DLC1: variants seen among roughly 807,000 people sequenced by gnomAD.
The protein encoded by DLC1 is rho GTPase-activating protein 7.
Under a neutral mutation model 140.3 loss-of-function variants are expected in DLC1, and 54 were observed. The ratio of observed to expected loss-of-function variants is 0.38; its 90% CI spans 0.31 to 0.48. The LOEUF (loss-of-function observed/expected upper bound fraction) is 0.48, where lower values mean the gene tolerates loss of function less well. DLC1 is among the 20% of genes least tolerant of loss of function. The pLI, the probability that DLC1 is intolerant of heterozygous loss-of-function variation, is 0.96. For missense variants in DLC1, 2,536 were observed against 1,907.0 expected (o/e 1.33, Z -6.14); for synonymous variants, 986 against 728.1 (o/e 1.35, Z -5.70).
chr8:13,546,189 C>A (rs1453107107), intron 1 of DLC1, among the ~76,000 whole-genome samples: 1 of 152,038 alleles, frequency 6.6e-6, no homozygotes, highest in East Asian at 1.9e-4. Flanking sequence ...GGTCATTAAT[C>A]TTTGTTTCAG....
At chr8:13,304,723 T>G in intron 5 of DLC1, 1 of 962,090 alleles carries the variant, frequency 1.0e-6, no homozygotes, top group Non-Finnish European at 1.2e-6. Flanking sequence ...TTTTTCATAT[T>G]TTCATTTCTC....
chr8:13,396,957 T>G (rs569989220), intron 3 of DLC1, among the ~76,000 whole-genome samples: 7 of 140,536 alleles, frequency 5.0e-5, no homozygotes, highest in Admixed American at 2.9e-4. Context: ...CCAACCCAAC[T>G]TGCTTTGTGT....
chr8:13,567,121 C>T (rs1369392836), intron 1 of DLC1: 1 of 1,551,748 alleles, frequency 6.4e-7, no homozygotes, highest in Non-Finnish European at 8.7e-7. Flanking sequence ...CTCTGGAGGA[C>T]GGCAGTCCTC....
chr8:13,343,905 A>T (rs1048293335), intron 4 of DLC1, among the ~76,000 whole-genome samples: 2 of 152,004 alleles, frequency 1.3e-5, no homozygotes, highest in Non-Finnish European at 2.9e-5. Flanking sequence ...ATCTTTAGGG[A>T]CCCAAATTTG....
rs116025043 is a variant in DLC1 at position 13,111,901 on chromosome 8, T to G, written c.1421-1078A>C. 9.7e-3 allele frequency among the ~76,000 whole-genome samples: 1,483 copies of G among 152,248 alleles called. 30 individuals are homozygous for G. Among genetic ancestry groups the G allele is most frequent in the African/African-American group, 0.034 (1,415 of 41,554 alleles). The stretch of plus-strand genomic sequence containing the variant: ...GCTCACATCTGTAATCCCAGCAGTT[T>G]GGGAGGCCCCAAGGACAGAAGATCA... On this transcript the variant is annotated intron_variant, in intron 6 of 17. Transcript: ENST00000276297.
At chr8:13,559,196 A>T (rs531784091) in intron 1 of DLC1, 1 of 152,318 alleles carries the variant, frequency 6.6e-6, no homozygotes, top group African/African-American at 2.4e-5. Flanking sequence ...CATAGTGCAT[A>T]CCTCTCAGCC....
intron 6 of DLC1, 75 bp downstream of exon 6, chr8:13,115,511 G>A: frequency 1.5e-6 from 2 of 1,321,752 alleles, no homozygotes; most frequent in South Asian, 1.4e-5. Flanking sequence ...CTGAAAATAA[G>A]TCATAGATCA....
intron 5 of DLC1, among the ~76,000 whole-genome samples, chr8:13,130,074 T>C (rs1477764804): frequency 6.6e-6 from 1 of 152,186 alleles, no homozygotes; most frequent in South Asian, 2.1e-4. Context: ...ATGCCCCCAC[T>C]CTTCTGGACC....
At chr8:13,544,197 AACACAC>A (rs3988455) in intron 1 of DLC1, among the ~76,000 whole-genome samples, 1,540 of 144,846 alleles carry the variant, frequency 0.011, 19 homozygotes, top group Non-Finnish European at 0.012. Context: ...CACACACACA[AACACAC>A]ACACACACAC....
chr8:13,254,183 TA>T (rs374779389), intron 5 of DLC1, among the ~76,000 whole-genome samples: 14,050 of 141,130 alleles, frequency 0.1, 867 homozygotes, highest in African/African-American at 0.18. Flanking sequence ...TAAATAAAAT[TA>T]AAAAAAAAAA....
At chr8:13,345,286 T>C (rs1032644328) in intron 4 of DLC1, among the ~76,000 whole-genome samples, 1 of 152,126 alleles carries the variant, frequency 6.6e-6, no homozygotes, top group Admixed American at 6.6e-5. Context: ...TCAGGAGTTA[T>C]TGTAATAACA....
intron 5 of DLC1, among the ~76,000 whole-genome samples, chr8:13,184,429 G>T (rs1440446574): frequency 6.6e-6 from 1 of 151,986 alleles, no homozygotes; most frequent in African/African-American, 2.4e-5. Flanking sequence ...TTCTCTTGTG[G>T]GCATTTAGTG....
At chr8:13,551,876 A>T (rs1023248422) in intron 1 of DLC1, among the ~76,000 whole-genome samples, 1 of 130,792 alleles carries the variant, frequency 7.6e-6, no homozygotes, top group African/African-American at 2.7e-5. Flanking sequence ...GTATATATAT[A>T]TATATAGACA....
rs1421887303 is a variant in DLC1 at position 13,219,061 on chromosome 8, TACGTGA to T, written c.1348+86202_1348+86207del. The stretch of plus-strand genomic sequence containing the variant: ...GAATATAATTATATACGAATATAAT[TACGTGA>T]ATATAATTATATAATTATATGTGAA... On this transcript the variant is annotated intron_variant, in intron 5 of 17. Coordinates refer to ENST00000276297, the MANE Select transcript of DLC1 (RefSeq NM_182643.3). Among the ~76,000 whole-genome samples the T allele has an allele frequency of 4.8e-4, 28 of 58,494 alleles. 1 individual carries two copies. Among genetic ancestry groups the T allele is most frequent in the African/African-American group, 1.7e-3 (18 of 10,612 alleles). 38.4% of individuals were successfully genotyped at this position (58,494 alleles called of 152,430 possible).
intron 4 of DLC1, among the ~76,000 whole-genome samples, chr8:13,372,223 T>A (rs1322337107): frequency 6.6e-6 from 1 of 152,134 alleles, no homozygotes; most frequent in African/African-American, 2.4e-5. Context: ...CAAATAGATA[T>A]AATTTAGTTT....
chr8:13,110,688 G>A (rs1344281576), intron 7 of DLC1, 54 bp downstream of exon 7: 1 of 1,509,124 alleles, frequency 6.6e-7, no homozygotes, highest in Non-Finnish European at 9.1e-7. Flanking sequence ...TTTGTGAGAA[G>A]TACTGTGTTC....
At chr8:13,442,340 C>T (rs1046887082) in intron 2 of DLC1, among the ~76,000 whole-genome samples, 5 of 152,124 alleles carry the variant, frequency 3.3e-5, no homozygotes, top group Non-Finnish European at 7.4e-5. Context: ...CAACAAAAGT[C>T]AAAATTGACA....
At chr8:13,579,735 C>T (rs545368953) in intron 1 of DLC1, among the ~76,000 whole-genome samples, 7 of 149,700 alleles carry the variant, frequency 4.7e-5, no homozygotes, top group South Asian at 2.1e-4. Context: ...GGAGCAATAG[C>T]GGCTTAGGTA....
At chr8:13,581,892 T>G (rs192770954) in intron 1 of DLC1, among the ~76,000 whole-genome samples, 54 of 152,224 alleles carry the variant, frequency 3.5e-4, no homozygotes, top group Middle Eastern at 3.4e-3. Context: ...GTTCATGCAA[T>G]CTGAAGTCCA....
Sources: allele counts gnomAD v4.1 joint callset (sites outside exome capture counted in the v4.1 genomes callset), GRCh38; gene constraint gnomAD v4.1.1; transcripts MANE v1.5; gene names NCBI Gene and HGNC (gene_info 2026-07-23, HGNC 2026-07-21).